Variants in INSR observed in about 807,000 individuals in gnomAD.
The protein encoded by INSR is insulin receptor, also known as IR.
INSR carries 67 observed loss-of-function variants against 142.6 expected under a neutral mutation model. The observed-to-expected ratio is 0.47, with a 90% confidence interval of 0.39 to 0.58. INSR has a LOEUF of 0.58. INSR is among the 20% of genes least tolerant of loss of function. The pLI is 0.00. For missense variants in INSR, 1,248 were observed against 1,833.2 expected, an observed-to-expected ratio of 0.68 and a Z score of 5.83; for synonymous variants, 756 against 743.1, an observed-to-expected ratio of 1.02 and a Z score of -0.28.
At chr19:7,223,821 G>T (rs759938005) in intron 2 of INSR, among the ~76,000 whole-genome samples, 2 of 152,120 alleles carry the variant, frequency 1.3e-5, no homozygotes, top group Non-Finnish European at 2.9e-5. Flanking sequence ...TACAGCTGGT[G>T]CTCAGTAGTG....
chr19:7,157,424 ATTTTTTTT>A (rs56136465), intron 9 of INSR, among the ~76,000 whole-genome samples: 1 of 115,108 alleles, frequency 8.7e-6, no homozygotes, highest in South Asian at 2.7e-4. Flanking sequence ...CGATTTTTGT[ATTTTTTTT>A]TTTTTTTTTT....
intron 11 of INSR, among the ~76,000 whole-genome samples, chr19:7,144,704 CTT>C (rs199504210): frequency 1.4e-3 from 196 of 135,788 alleles, no homozygotes; most frequent in African/African-American, 3.4e-3. Context: ...GCACATGGCT[CTT>C]TTTTTTTTTT....
intron 17 of INSR, among the ~76,000 whole-genome samples, chr19:7,124,412 G>A (rs1440273764): frequency 1.0e-4 from 14 of 136,468 alleles, no homozygotes; most frequent in Admixed American, 6.6e-4. Flanking sequence ...GGTAGCAGGC[G>A]CCTGTAGTCC....
chr19:7,255,039 CCCGCT>C (rs1249268792), intron 2 of INSR, among the ~76,000 whole-genome samples: 4 of 151,708 alleles, frequency 2.6e-5, no homozygotes, highest in Non-Finnish European at 5.9e-5. Context: ...CCCGCACCCA[CCCGCT>C]CCAGGAAGCC....
rs556287243 is a variant in INSR at position 7,116,074 on chromosome 19, T to C, written c.*982A>G. 19 of 151,316 alleles carry C rather than the reference T, an allele frequency of 1.3e-4. No individual in the cohort carries two copies. The highest frequency in any genetic ancestry group is 3.4e-4 in the African/African-American group (14 of 41,284). The allele number at this position is 151,316 out of a possible 1,614,324, so 9.4% of individuals were successfully genotyped here. On this transcript the variant is annotated 3_prime_UTR_variant, in exon 22 of 22. Coordinates refer to ENST00000302850, the MANE Select transcript of INSR (RefSeq NM_000208.4). ...CAAATATATTCTCAAAACTCTGTCA[T>C]CTCAGTTCTTTTTTTTTTTCCTTTT...
intron 2 of INSR, among the ~76,000 whole-genome samples, chr19:7,241,704 T>C (rs1217126966): frequency 6.6e-6 from 1 of 152,008 alleles, no homozygotes; most frequent in African/African-American, 2.4e-5. Flanking sequence ...GGAGACATTT[T>C]TGGTTGTCAT....
intron 9 of INSR, among the ~76,000 whole-genome samples, chr19:7,155,476 T>G (rs921381783): frequency 2.0e-5 from 3 of 147,734 alleles, no homozygotes; most frequent in Non-Finnish European, 3.0e-5. Flanking sequence ...AGGCGGAGGT[T>G]GCATTGAGCC....
Position 7,267,345 on chromosome 19 carries a change from C to G in INSR, c.652G>C (p.Val218Leu). The change falls in exon 2 of 22, where the codon GTT becomes CTT. Residue 218 changes from valine (V) to leucine (L), a missense_variant and splice_region_variant. Val to Leu is a conservative substitution (Grantham distance 32). Coordinates refer to ENST00000302850, the MANE Select transcript of INSR (RefSeq NM_000208.4). This position sits in a 1 kb window ranked among gnomAD's most constrained non-coding sequence, Gnocchi z 6.3. ...RCWTHSHCQKVCPTICKSHGC... is the reference protein window; with the variant it reads ...RCWTHSHCQKLCPTICKSHGC... ...TTAGAACCCTGTATCCCCGGCGTAC[C>G]TTTCTGGCAGTGACTATGAGTCCAA... 1.2e-6 allele frequency: 2 copies of G among 1,614,102 alleles called. No homozygotes were observed. The highest frequency in any genetic ancestry group is 1.7e-6 in the Non-Finnish European group (2 of 1,179,996).
chr19:7,132,295 C>G lies in INSR; in HGVS notation c.2705G>C (p.Arg902Pro). 1 of 1,614,054 alleles carries G rather than the reference C, an allele frequency of 6.2e-7. No individual in the cohort carries two copies. The highest frequency in any genetic ancestry group is 8.5e-7 in the Non-Finnish European group (1 of 1,180,006). The change falls in exon 14 of 22, where the codon CGC becomes CCC. Residue 902 changes from arginine (R) to proline (P), a missense_variant. By Grantham distance (103) the Arg-to-Pro change is moderately radical (BLOSUM62 -2). Transcript: ENST00000302850. The part of the protein sequence containing the change: ...GDEELHLCVS[R>P]KHFALERGCR... The stretch of plus-strand genomic sequence containing the variant: ...GCCCCGTTCCAGAGCGAAGTGCTTG[C>G]GGGAGACGCAGAGATGCAGCTCCTG...
chr19:7,210,527 C>T lies in INSR; in HGVS notation c.653-25890G>A, dbSNP rs1025228157. ...ATGGCTCCACTTTCTCCTCGCTGTG[C>T]GACTCCTGGAGGGGAACCTAGTGTG... is the stretch of plus-strand genomic sequence containing the variant. On this transcript the variant is annotated intron_variant, in intron 2 of 21. Coordinates refer to ENST00000302850, the MANE Select transcript of INSR (RefSeq NM_000208.4). 5.9e-5 allele frequency among the ~76,000 whole-genome samples: 9 copies of T among 152,038 alleles called. No individual in the cohort carries two copies. In the South Asian group the frequency reaches 1.0e-3, roughly 18 times the overall value.
chr19:7,162,707 C>A (rs929170296), intron 9 of INSR, among the ~76,000 whole-genome samples: 5 of 151,842 alleles, frequency 3.3e-5, no homozygotes, highest in Non-Finnish European at 7.4e-5. Context: ...GTAATCCCAG[C>A]TACTCGGGAG....
At chr19:7,162,062 C>T (rs993208020) in intron 9 of INSR, among the ~76,000 whole-genome samples, 1 of 151,970 alleles carries the variant, frequency 6.6e-6, no homozygotes, top group African/African-American at 2.4e-5. Flanking sequence ...CGTGGTGGCT[C>T]ATGCCTGTAA....
At chr19:7,222,082 G>A (rs61644739) in intron 2 of INSR, among the ~76,000 whole-genome samples, 1 of 149,366 alleles carries the variant, frequency 6.7e-6, no homozygotes, top group African/African-American at 2.5e-5. Context: ...GTCAGAGTCT[G>A]GGGTGGGTTG....
chr19:7,197,213 AC>A, intron 2 of INSR, among the ~76,000 whole-genome samples: 1 of 152,358 alleles, frequency 6.6e-6, no homozygotes, highest in East Asian at 1.9e-4. Context: ...TTGGAATAGA[AC>A]TGCGCAGCTC....
At chr19:7,208,963 A>G (rs755014836) in intron 2 of INSR, among the ~76,000 whole-genome samples, 2 of 152,072 alleles carry the variant, frequency 1.3e-5, no homozygotes, top group Admixed American at 6.6e-5. Flanking sequence ...AGATGGCGCC[A>G]CTGCATTCCA....
intron 2 of INSR, among the ~76,000 whole-genome samples, chr19:7,248,136 T>C (rs747553825): frequency 6.6e-6 from 1 of 151,176 alleles, no homozygotes; most frequent in Non-Finnish European, 1.5e-5. Context: ...CCATCTTTTA[T>C]TTTTTATTTT....
chr19:7,289,867 G>A (rs932978673), intron 1 of INSR, among the ~76,000 whole-genome samples: 3 of 152,170 alleles, frequency 2.0e-5, no homozygotes, highest in African/African-American at 7.2e-5. Flanking sequence ...GACCACATGG[G>A]TGGAGACCAT....
At chr19:7,198,013 CGT>C (rs59202163) in intron 2 of INSR, among the ~76,000 whole-genome samples, 4 of 145,064 alleles carry the variant, frequency 2.8e-5, no homozygotes, top group South Asian at 2.2e-4. Context: ...GGTGGGCGAG[CGT>C]GTGTGTGTGT....
intron 2 of INSR, among the ~76,000 whole-genome samples, chr19:7,263,763 T>C (rs1977137171): frequency 6.6e-6 from 1 of 152,088 alleles, no homozygotes; most frequent in Admixed American, 6.6e-5. Flanking sequence ...CCAGGCACAG[T>C]GGCCGATGCA....
Sources: allele counts gnomAD v4.1 joint callset (sites outside exome capture counted in the v4.1 genomes callset), GRCh38; gene constraint gnomAD v4.1.1; non-coding constraint Gnocchi (gnomAD v3.1); transcripts MANE v1.5; gene names NCBI Gene and HGNC (gene_info 2026-07-23, HGNC 2026-07-21).